MLLT3: variants seen among roughly 807,000 people sequenced by gnomAD.
MLLT3 encodes the protein MLLT3 super elongation complex subunit.
In MLLT3, 4 loss-of-function variants were observed where a neutral mutation model predicts 53.2. The ratio of observed to expected loss-of-function variants is 0.08; its 90% CI spans 0.04 to 0.17. The LOEUF (loss-of-function observed/expected upper bound fraction) is 0.17. MLLT3 is among the 10% of genes least tolerant of loss of function. MLLT3 has a pLI of 1.00. For synonymous variants in MLLT3, 283 were observed against 230.6 expected, an observed-to-expected ratio of 1.23 and a Z score of -2.06; for missense variants, 569 against 684.0, an observed-to-expected ratio of 0.83 and a Z score of 1.87.
chr9:20,590,335 T>A (rs968022442), intron 2 of MLLT3, among the ~76,000 whole-genome samples: 1 of 152,216 alleles, frequency 6.6e-6, no homozygotes, highest in Non-Finnish European at 1.5e-5. Flanking sequence ...ACTGCTGATA[T>A]GGGTTGCATG....
rs937311923 is a variant in MLLT3 at position 20,609,852 on chromosome 9, C to T, written c.193+10802G>A. The stretch of plus-strand genomic sequence containing the variant: ...TAAGAAAGGATAAAATTCCAATACA[C>T]TGATGTTCATATATTGGTATTTTAT... On this transcript the variant is annotated intron_variant, in intron 2 of 10. Coordinates refer to ENST00000380338, the MANE Select transcript of MLLT3 (RefSeq NM_004529.4). Among the ~76,000 whole-genome samples, 4 of 152,242 alleles carry T rather than the reference C, an allele frequency of 2.6e-5. 1 individual carries two copies. The highest frequency in any genetic ancestry group is 4.1e-4 in the South Asian group (2 of 4,826).
chr9:20,595,430 T>A (rs1178238816), intron 2 of MLLT3, among the ~76,000 whole-genome samples: 2 of 151,992 alleles, frequency 1.3e-5, no homozygotes, highest in East Asian at 3.8e-4. Context: ...ACTTTATAAT[T>A]TATATTATAA....
chr9:20,403,545 T>A (rs1028735390), intron 5 of MLLT3, among the ~76,000 whole-genome samples: 2 of 152,198 alleles, frequency 1.3e-5, no homozygotes, highest in African/African-American at 4.8e-5. Context: ...AAGTGACTTG[T>A]TACAAGTCTC....
chr9:20,345,688 T>C lies in MLLT3; in HGVS notation c.*755A>G, dbSNP rs1820848344. ...CTAGACAGCAATTCATATGATCCTA[T>C]TTGGTGCATTTTCTACCATGGTCCA... On this transcript the variant is annotated 3_prime_UTR_variant, in exon 11 of 11. Coordinates refer to ENST00000380338, the MANE Select transcript of MLLT3 (RefSeq NM_004529.4). 1 of 216,520 alleles carries C rather than the reference T, an allele frequency of 4.6e-6. No homozygotes were observed. Among genetic ancestry groups the C allele is most frequent in the Non-Finnish European group, 9.3e-6 (1 of 107,218 alleles). The allele number at this position is 216,520 out of a possible 1,614,324, so 13.4% of individuals were successfully genotyped here.
chr9:20,389,221 G>T (rs182541514), intron 5 of MLLT3, among the ~76,000 whole-genome samples: 2 of 152,120 alleles, frequency 1.3e-5, no homozygotes, highest in Non-Finnish European at 2.9e-5. Flanking sequence ...TACAACATAA[G>T]TAAGTCCTGG....
At chr9:20,520,512 T>C (rs1818031252) in intron 2 of MLLT3, among the ~76,000 whole-genome samples, 2 of 152,258 alleles carry the variant, frequency 1.3e-5, no homozygotes, top group South Asian at 4.1e-4. Flanking sequence ...ATTTCCTTCA[T>C]GTAACTTAAA....
In MLLT3 at chr9:20,515,192, T is replaced by A. The variant is rs560054161; in HGVS notation, c.194-58406A>T. ...CAAACTCCTGACCTCGTGAGCCACC[T>A]GCCTTAGTCTCCCAAAGTGCTGGGA... On this transcript the variant is annotated intron_variant, in intron 2 of 10. Transcript: ENST00000380338. Among the ~76,000 whole-genome samples, 12 of 152,196 alleles carry A rather than the reference T, an allele frequency of 7.9e-5. No homozygotes were observed. The South Asian group carries it at 2.3e-3, about 29-fold the overall frequency.
intron 2 of MLLT3, among the ~76,000 whole-genome samples, chr9:20,506,142 C>G (rs138060470): frequency 1.3e-5 from 2 of 151,836 alleles, no homozygotes; most frequent in Non-Finnish European, 2.9e-5. Context: ...GCAACCTCTG[C>G]CTCCCAGGTT....
chr9:20,375,217 T>G (rs551986319), intron 5 of MLLT3, among the ~76,000 whole-genome samples: 2 of 152,214 alleles, frequency 1.3e-5, no homozygotes, highest in Non-Finnish European at 2.9e-5. Context: ...ATGATAAAAC[T>G]GAAGCACACA....
chr9:20,362,439 C>T (rs906300694), intron 7 of MLLT3, among the ~76,000 whole-genome samples: 1 of 151,988 alleles, frequency 6.6e-6, no homozygotes, highest in African/African-American at 2.4e-5. Flanking sequence ...GTCTTTTTTC[C>T]CTATCAGTTT....
Position 20,342,782 on chromosome 9 carries a change from CAT to C in MLLT3, c.*3659_*3660del, listed in dbSNP as rs1820768078. 5.3e-6 allele frequency: 1 copy of C among 188,588 alleles called. No individual in the cohort carries two copies. The highest frequency in any genetic ancestry group is 1.1e-5 in the Non-Finnish European group (1 of 90,298). 11.7% of individuals were successfully genotyped at this position (188,588 alleles called of 1,614,324 possible). A position where few individuals can be genotyped will look rare whatever the true frequency, so the allele number is the denominator to read the frequency against. On this transcript the variant is annotated 3_prime_UTR_variant, in exon 11 of 11. Coordinates refer to ENST00000380338, the MANE Select transcript of MLLT3 (RefSeq NM_004529.4). ...GCTGTAGTAGTCTCTACATCATATTCATAGTTTTAGAGCAACAGTCCAAAGCA... is the reference window on the plus strand; with the variant it reads ...GCTGTAGTAGTCTCTACATCATATTCAGTTTTAGAGCAACAGTCCAAAGCA...
intron 2 of MLLT3, among the ~76,000 whole-genome samples, chr9:20,530,739 CT>C (rs1467105857): frequency 6.6e-6 from 1 of 152,302 alleles, no homozygotes; most frequent in African/African-American, 2.4e-5. Flanking sequence ...TCAATCGATT[CT>C]CCTGCCTCAG....
intron 2 of MLLT3, among the ~76,000 whole-genome samples, chr9:20,489,646 A>G (rs1356458499): frequency 6.6e-6 from 1 of 152,228 alleles, no homozygotes; most frequent in East Asian, 1.9e-4. Context: ...TTCAAATACA[A>G]GATACAGAAG....
At chr9:20,347,786 C>T (rs1428270896) in intron 10 of MLLT3, among the ~76,000 whole-genome samples, 1 of 152,048 alleles carries the variant, frequency 6.6e-6, no homozygotes, top group East Asian at 1.9e-4. Context: ...TATCACTTAC[C>T]TCTGATTCTC....
chr9:20,400,402 C>G (rs963689186), intron 5 of MLLT3, among the ~76,000 whole-genome samples: 1 of 152,016 alleles, frequency 6.6e-6, no homozygotes, highest in African/African-American at 2.4e-5. Context: ...AAAAAACTTA[C>G]GATATTTTGA....
At chr9:20,356,427 G>A (rs1587147420) in intron 8 of MLLT3, among the ~76,000 whole-genome samples, 1 of 152,198 alleles carries the variant, frequency 6.6e-6, no homozygotes, top group East Asian at 1.9e-4. Flanking sequence ...CTCCTCCATT[G>A]TTGTTGAAAG....
intron 10 of MLLT3, among the ~76,000 whole-genome samples, chr9:20,348,587 A>T (rs1401108854): frequency 6.6e-6 from 1 of 152,202 alleles, no homozygotes. Context: ...CTCCAGGCTT[A>T]CTGTTATAGG....
chr9:20,425,169 T>C (rs1823111988), intron 4 of MLLT3, among the ~76,000 whole-genome samples: 1 of 152,172 alleles, frequency 6.6e-6, no homozygotes, highest in Admixed American at 6.5e-5. Flanking sequence ...ATTAAACATC[T>C]AGAAAGTTAT....
intron 2 of MLLT3, among the ~76,000 whole-genome samples, chr9:20,486,881 G>A (rs971288668): frequency 5.3e-5 from 8 of 152,050 alleles, no homozygotes; most frequent in African/African-American, 1.9e-4. Flanking sequence ...CTTTATATCA[G>A]TACTTGTTGA....
Sources: allele counts gnomAD v4.1 joint callset (sites outside exome capture counted in the v4.1 genomes callset), GRCh38; gene constraint gnomAD v4.1.1; transcripts MANE v1.5; gene names NCBI Gene and HGNC (gene_info 2026-07-23, HGNC 2026-07-21).